The following NRXN3 variants were observed in gnomAD, a reference collection of about 807,000 sequenced individuals.
The protein encoded by NRXN3 is neurexin 3, also known as neurexin III.
NRXN3 carries 32 observed loss-of-function variants against 137.6 expected under a neutral mutation model. That is an observed-to-expected ratio of 0.23 (90% CI 0.18 to 0.31). The LOEUF (loss-of-function observed/expected upper bound fraction) is 0.31, where lower values mean the gene tolerates loss of function less well. Among genes scored for constraint, NRXN3 ranks in the 10% least tolerant of loss-of-function variants. The pLI, the probability that NRXN3 is intolerant of heterozygous loss-of-function variation, is 1.00. For missense variants in NRXN3, 1,574 were observed against 2,062.5 expected (o/e 0.76, Z 4.59); for synonymous variants, 798 against 784.5 (o/e 1.02, Z -0.29).
chr14:78,984,397 ATTAG>A (rs1397842842), intron 14 of NRXN3, among the ~76,000 whole-genome samples: 3 of 152,212 alleles, frequency 2.0e-5, no homozygotes, highest in African/African-American at 7.2e-5. Flanking sequence ...CGTAATTGTT[ATTAG>A]TTAAGTAAAT....
At chr14:79,010,305 T>C (rs1016174216) in intron 15 of NRXN3, among the ~76,000 whole-genome samples, 1 of 152,140 alleles carries the variant, frequency 6.6e-6, no homozygotes, top group Non-Finnish European at 1.5e-5. Context: ...CTATGTTAGC[T>C]CAGGGGTGGG....
At chr14:78,828,158 T>A (rs1431805541) in intron 10 of NRXN3, among the ~76,000 whole-genome samples, 1 of 152,196 alleles carries the variant, frequency 6.6e-6, no homozygotes, top group Non-Finnish European at 1.5e-5. Flanking sequence ...TAGTTTATAG[T>A]TCAATATTAT....
chr14:78,222,270 C>T (rs1286050984), intron 1 of NRXN3, among the ~76,000 whole-genome samples: 1 of 152,018 alleles, frequency 6.6e-6, no homozygotes, highest in Non-Finnish European at 1.5e-5. Flanking sequence ...TACCCAGGGC[C>T]AGAGAGCAGC....
intron 15 of NRXN3, among the ~76,000 whole-genome samples, chr14:79,192,057 AT>A (rs1332661446): frequency 5.3e-5 from 8 of 151,904 alleles, no homozygotes. Context: ...CCTGGCTAAT[AT>A]TTGTATTTTT....
chr14:78,324,118 AC>A (rs987925536), intron 4 of NRXN3, among the ~76,000 whole-genome samples: 1 of 152,018 alleles, frequency 6.6e-6, no homozygotes, highest in African/African-American at 2.4e-5. Context: ...TGGGATTGGA[AC>A]CCAGGCCTGA....
intron 4 of NRXN3, among the ~76,000 whole-genome samples, chr14:78,627,243 G>C (rs1376670346): frequency 6.6e-6 from 1 of 151,316 alleles, no homozygotes; most frequent in Non-Finnish European, 1.5e-5. Context: ...TTTTTCCCTA[G>C]ACTTGAGCAC....
intron 8 of NRXN3, among the ~76,000 whole-genome samples, chr14:78,748,871 C>T (rs1005918943): frequency 6.6e-6 from 1 of 152,168 alleles, no homozygotes; most frequent in Non-Finnish European, 1.5e-5. Context: ...CACCTTCACC[C>T]AAAGCAATCA....
chr14:78,191,350 C>T (rs1281645674), intron 1 of NRXN3, among the ~76,000 whole-genome samples: 3 of 152,088 alleles, frequency 2.0e-5, no homozygotes, highest in African/African-American at 4.8e-5. Flanking sequence ...TGGCTTCCCT[C>T]GGTATACCCC....
At chr14:78,239,525 C>T (rs2066801276) in intron 1 of NRXN3, among the ~76,000 whole-genome samples, 1 of 152,136 alleles carries the variant, frequency 6.6e-6, no homozygotes, top group Admixed American at 6.5e-5. Context: ...TCCTGTTATC[C>T]ATGTCCGGCT....
chr14:79,776,705 A>G (rs985281352), intron 19 of NRXN3, among the ~76,000 whole-genome samples: 1 of 152,212 alleles, frequency 6.6e-6, no homozygotes, highest in Non-Finnish European at 1.5e-5. Flanking sequence ...CTGAGAAGAC[A>G]AAGAATGTGG....
intron 4 of NRXN3, among the ~76,000 whole-genome samples, chr14:78,642,863 G>A (rs1280492389): frequency 6.6e-6 from 1 of 152,178 alleles, no homozygotes; most frequent in Non-Finnish European, 1.5e-5. Context: ...TTTTTGGGGG[G>A]CTATTTCTGC....
chr14:79,368,685 C>T (rs1285956837), intron 15 of NRXN3, among the ~76,000 whole-genome samples: 1 of 152,074 alleles, frequency 6.6e-6, no homozygotes, highest in Admixed American at 6.6e-5. Context: ...CTCTGTCTGC[C>T]AGAAGATGTA....
chr14:79,483,163 A>G (rs531003385), intron 16 of NRXN3, among the ~76,000 whole-genome samples: 1 of 152,304 alleles, frequency 6.6e-6, no homozygotes, highest in Admixed American at 6.5e-5. Context: ...TCAAAGAATG[A>G]TATTTTGTAA....
At chr14:79,003,787 G>A (rs2099546608) in intron 15 of NRXN3, among the ~76,000 whole-genome samples, 1 of 152,162 alleles carries the variant, frequency 6.6e-6, no homozygotes, top group Non-Finnish European at 1.5e-5. Context: ...CTGTTACTCA[G>A]GGGTGCTCTA....
intron 20 of NRXN3, among the ~76,000 whole-genome samples, chr14:79,822,807 C>CCAAA (rs532872192): frequency 2.7e-3 from 414 of 151,642 alleles, no homozygotes; most frequent in African/African-American, 4.4e-3. Flanking sequence ...AAATAGATTT[C>CCAAA]CAAACAAACA....
chr14:78,856,159 A>G (rs958442607), intron 10 of NRXN3, among the ~76,000 whole-genome samples: 1 of 152,190 alleles, frequency 6.6e-6, no homozygotes, highest in Non-Finnish European at 1.5e-5. Flanking sequence ...CAGGAGGTCT[A>G]TGAAGCTTTT....
At chr14:79,273,531 G>A (rs1251545103) in intron 15 of NRXN3, among the ~76,000 whole-genome samples, 2 of 152,094 alleles carry the variant, frequency 1.3e-5, no homozygotes, top group Non-Finnish European at 2.9e-5. Context: ...CTACTTGGAA[G>A]GCTGAGGCAG....
At chr14:79,854,620 A>T (rs188695445) in intron 20 of NRXN3, among the ~76,000 whole-genome samples, 1 of 152,256 alleles carries the variant, frequency 6.6e-6, no homozygotes, top group East Asian at 1.9e-4. Context: ...ACCGTGTTTA[A>T]AGCCTTGAAA....
At chr14:78,235,618 G>A (rs1426871312) in intron 1 of NRXN3, among the ~76,000 whole-genome samples, 1 of 151,276 alleles carries the variant, frequency 6.6e-6, no homozygotes, top group East Asian at 1.9e-4. Context: ...AAGTGTTATA[G>A]TTAAAGGTTA....
Sources: allele counts gnomAD v4.1 joint callset (sites outside exome capture counted in the v4.1 genomes callset), GRCh38; gene constraint gnomAD v4.1.1; transcripts MANE v1.5; gene names NCBI Gene and HGNC (gene_info 2026-07-23, HGNC 2026-07-21).